CHRM3: variants seen among roughly 807,000 people sequenced by gnomAD.
The protein encoded by CHRM3 is cholinergic receptor muscarinic 3.
Under a neutral mutation model 41.8 loss-of-function variants are expected in CHRM3, and 11 were observed. The ratio of observed to expected loss-of-function variants is 0.26; its 90% CI spans 0.17 to 0.44. CHRM3 has a LOEUF of 0.44. Ranked by LOEUF, CHRM3 falls within the 20% of genes least tolerant of loss-of-function variation. The pLI is 1.00. For missense variants in CHRM3, 571 were observed against 745.4 expected (o/e 0.77, Z 2.72); for synonymous variants, 297 against 301.4 (o/e 0.99, Z 0.15).
At chr1:239,783,846 C>A (rs564637374) in intron 5 of CHRM3, among the ~76,000 whole-genome samples, 1 of 152,268 alleles carries the variant, frequency 6.6e-6, no homozygotes, top group South Asian at 2.1e-4. Context: ...AGTTTTTCCA[C>A]CCTTTCCCCA....
intron 6 of CHRM3, among the ~76,000 whole-genome samples, chr1:239,831,406 C>G (rs573355693): frequency 6.6e-6 from 1 of 152,266 alleles, no homozygotes; most frequent in South Asian, 2.1e-4. Context: ...CTTACCAATG[C>G]CCTCTTGATC....
intron 6 of CHRM3, among the ~76,000 whole-genome samples, chr1:239,882,094 G>T (rs1677692570): frequency 6.6e-6 from 1 of 152,088 alleles, no homozygotes. Context: ...TTTTAGTAGA[G>T]ATGGGGTTTC....
intron 1 of CHRM3, among the ~76,000 whole-genome samples, chr1:239,450,058 T>C (rs781205182): frequency 2.6e-5 from 4 of 152,316 alleles, no homozygotes; most frequent in Admixed American, 1.3e-4. Flanking sequence ...AGAACACGTT[T>C]TGCACGTTGT....
chr1:239,487,635 C>G (rs1019043193), intron 1 of CHRM3, among the ~76,000 whole-genome samples: 3 of 151,962 alleles, frequency 2.0e-5, no homozygotes, highest in Non-Finnish European at 4.4e-5. Context: ...AATGTCAATT[C>G]TTTATGACTA....
chr1:239,869,073 A>T (rs1051042147), intron 6 of CHRM3, among the ~76,000 whole-genome samples: 4 of 152,022 alleles, frequency 2.6e-5, no homozygotes, highest in African/African-American at 9.7e-5. Context: ...TTTCTGCCTG[A>T]CGCCTAGAAA....
chr1:239,901,353 C>T (rs1181198813), intron 6 of CHRM3, among the ~76,000 whole-genome samples: 12 of 150,550 alleles, frequency 8.0e-5, no homozygotes, highest in East Asian at 3.9e-4. Context: ...TTTCCTCATT[C>T]GGGACATTAC....
intron 3 of CHRM3, among the ~76,000 whole-genome samples, chr1:239,619,741 C>T (rs569248119): frequency 6.6e-6 from 1 of 151,990 alleles, no homozygotes; most frequent in Admixed American, 6.6e-5. Flanking sequence ...GGTCAAACTC[C>T]GTAACATTGG....
intron 6 of CHRM3, among the ~76,000 whole-genome samples, chr1:239,856,823 G>T (rs544946744): frequency 6.6e-6 from 1 of 152,116 alleles, no homozygotes; most frequent in African/African-American, 2.4e-5. Context: ...TTAGAGAGGG[G>T]CATCACTAGC....
chr1:239,496,620 T>C (rs1056821128), intron 2 of CHRM3, among the ~76,000 whole-genome samples: 2 of 151,950 alleles, frequency 1.3e-5, no homozygotes, highest in African/African-American at 4.8e-5. Context: ...TACCAGGAAC[T>C]AATCTTAGGC....
In CHRM3 at chr1:239,909,213, C is replaced by T. The variant is rs764058084; in HGVS notation, c.1762C>T (p.Gln588Ter). The T allele has an allele frequency of 6.2e-7, 1 of 1,605,118 alleles. No individual in the cohort carries two copies. Among genetic ancestry groups the T allele is most frequent in the East Asian group, 2.2e-5 (1 of 44,826 alleles). ...CATTTTTCACAAGCGCGCACCCGAG[C>T]AGGCCTTGTAGAATGAGGTTGTATC... ...SVIFHKRAPE[Q>*]AL Residue 588 changes from glutamine (Q) to a stop codon, truncating the protein, a stop_gained, in exon 7 of 7, where the codon CAG (glutamine) becomes TAG (stop). Transcript: ENST00000676153. LOFTEE classifies it high-confidence loss of function.
intron 6 of CHRM3, among the ~76,000 whole-genome samples, chr1:239,848,516 GTA>G (rs142420194): frequency 1.3e-5 from 2 of 151,696 alleles, no homozygotes; most frequent in African/African-American, 2.4e-5. Flanking sequence ...TATATATGTT[GTA>G]TATATATATA....
chr1:239,546,195 G>A (rs1341775209), intron 3 of CHRM3: 1 of 152,126 alleles, frequency 6.6e-6, no homozygotes, highest in Non-Finnish European at 1.5e-5. Context: ...AACAGTTGGT[G>A]TATGATATTT....
chr1:239,568,721 T>C (rs1237424011), intron 3 of CHRM3, among the ~76,000 whole-genome samples: 1 of 152,068 alleles, frequency 6.6e-6, no homozygotes, highest in Non-Finnish European at 1.5e-5. Context: ...GCCTCCCCTC[T>C]TCTTCCATCA....
At chr1:239,631,242 C>T (rs946403047) in intron 3 of CHRM3, among the ~76,000 whole-genome samples, 2 of 152,164 alleles carry the variant, frequency 1.3e-5, no homozygotes, top group East Asian at 1.9e-4. Flanking sequence ...AAAACTCTCT[C>T]GAAGTTTGCT....
At chr1:239,849,143 A>G (rs183050139) in intron 6 of CHRM3, among the ~76,000 whole-genome samples, 2 of 152,184 alleles carry the variant, frequency 1.3e-5, no homozygotes, top group African/African-American at 2.4e-5. Flanking sequence ...AAAAATCAAC[A>G]TCTGTTCCCT....
At chr1:239,809,019 AT>A (rs34075379) in intron 5 of CHRM3, among the ~76,000 whole-genome samples, 20,888 of 124,822 alleles carry the variant, frequency 0.17, 1,537 homozygotes, top group Middle Eastern at 0.29. Flanking sequence ...TCTGAAGTCC[AT>A]TTTTTTTTTT....
chr1:239,508,168 A>C (rs996095387), intron 2 of CHRM3, among the ~76,000 whole-genome samples: 6 of 152,200 alleles, frequency 3.9e-5, no homozygotes, highest in African/African-American at 1.4e-4. Context: ...GGCTCTCCAA[A>C]GTTATTCTTC....
Position 239,756,590 on chromosome 1 carries a change from A to G in CHRM3, c.-146-70662A>G, listed in dbSNP as rs536315151. 2.9e-4 allele frequency among the ~76,000 whole-genome samples: 44 copies of G among 152,338 alleles called. No homozygotes were observed. In the Middle Eastern group the frequency reaches 0.01, roughly 35 times the overall value. ...CCAATGTCTAATAAGGAGGAAAAATATAGTCATTGCTGAAATAATGATAAA... is the reference window on the plus strand; with the variant it reads ...CCAATGTCTAATAAGGAGGAAAAATGTAGTCATTGCTGAAATAATGATAAA... On this transcript the variant is annotated intron_variant, in intron 5 of 6. Coordinates refer to ENST00000676153, the MANE Select transcript of CHRM3 (RefSeq NM_001375978.1).
At position 239,760,747 on chromosome 1, in the gene CHRM3, A is replaced by G. The variant is rs190740348; in HGVS notation, c.-146-66505A>G. On this transcript the variant is annotated intron_variant, in intron 5 of 6. Coordinates refer to ENST00000676153, the MANE Select transcript of CHRM3 (RefSeq NM_001375978.1). ...GAATTCGGCTGTTATTGTTACCTTGATGCCTCTGTTCATAATTTGCATTTT... is the reference window on the plus strand; with the variant it reads ...GAATTCGGCTGTTATTGTTACCTTGGTGCCTCTGTTCATAATTTGCATTTT... 1.4e-4 allele frequency among the ~76,000 whole-genome samples: 22 copies of G among 152,176 alleles called. No individual in the cohort carries two copies. The East Asian group carries it at 4.1e-3, about 28-fold the overall frequency.
Sources: gnomAD v4.1 joint callset for allele counts (sites outside exome capture counted in the v4.1 genomes callset) on GRCh38, gnomAD v4.1.1 for gene constraint, MANE v1.5 for transcripts, NCBI Gene and HGNC (gene_info 2026-07-23, HGNC 2026-07-21) for gene names.